The following GRID2 variants were observed in gnomAD, a reference collection of about 807,000 sequenced individuals.
The protein encoded by GRID2 is glutamate ionotropic receptor delta type subunit 2.
GRID2 carries 33 observed loss-of-function variants against 114.8 expected under a neutral mutation model. That is an observed-to-expected ratio of 0.29 (90% CI 0.22 to 0.38). The LOEUF (loss-of-function observed/expected upper bound fraction) is 0.38. GRID2 is among the 10% of genes least tolerant of loss of function. GRID2 has a pLI of 1.00. For missense variants in GRID2, 1,184 were observed against 1,257.7 expected (o/e 0.94, Z 0.89); for synonymous variants, 505 against 449.9 (o/e 1.12, Z -1.55).
At chr4:92,373,966 A>G (rs1311936271) in intron 1 of GRID2, among the ~76,000 whole-genome samples, 1 of 152,108 alleles carries the variant, frequency 6.6e-6, no homozygotes, top group Non-Finnish European at 1.5e-5. Flanking sequence ...CCTATTTTTC[A>G]TCACTGTAAT....
chr4:93,473,335 C>T (rs1367943398), intron 11 of GRID2, among the ~76,000 whole-genome samples: 1 of 152,098 alleles, frequency 6.6e-6, no homozygotes, highest in African/African-American at 2.4e-5. Context: ...ATACTTTCAG[C>T]TTAACATTGT....
chr4:93,778,755 G>A (rs1057205207), downstream of GRID2, among the ~76,000 whole-genome samples: 1 of 152,052 alleles, frequency 6.6e-6, no homozygotes, highest in African/African-American at 2.4e-5. Flanking sequence ...ACATGCTCAA[G>A]TACTTCTCTA....
At chr4:93,409,310 A>G (rs1766864122) in intron 9 of GRID2, among the ~76,000 whole-genome samples, 1 of 152,184 alleles carries the variant, frequency 6.6e-6, no homozygotes, top group Non-Finnish European at 1.5e-5. Context: ...AAGTGTGGCT[A>G]GGGCATCAAT....
At chr4:93,449,654 G>A (rs1722495141) in intron 10 of GRID2, among the ~76,000 whole-genome samples, 1 of 152,002 alleles carries the variant, frequency 6.6e-6, no homozygotes, top group Non-Finnish European at 1.5e-5. Flanking sequence ...AGTGTAGTAA[G>A]GAATATTTAT....
intron 4 of GRID2, among the ~76,000 whole-genome samples, chr4:93,160,321 T>G (rs1174743921): frequency 6.6e-6 from 1 of 151,772 alleles, no homozygotes; most frequent in East Asian, 1.9e-4. Flanking sequence ...AAAAATTATT[T>G]GAAAAACCAC....
In GRID2 at chr4:93,224,695, A is replaced by G. The variant is rs1745283505; in HGVS notation, c.1045A>G (p.Ser349Gly). 6.2e-7 allele frequency: 1 copy of G among 1,611,680 alleles called. No homozygotes were observed. Among genetic ancestry groups the G allele is most frequent in the Non-Finnish European group, 8.5e-7 (1 of 1,178,000 alleles). ...GAAGCTGGAGGACCGAAAGTGGCAC[A>G]GCATGGCAAGTCTGTCATGTATCAG... ...HKKLEDRKWH[S>G]MASLSCIRKN... Residue 349 changes from serine to glycine, a missense_variant, in exon 7 of 16, where the codon AGC (serine) becomes GGC (glycine). Physicochemically the swap from Ser to Gly is moderately conservative, Grantham distance 56 (BLOSUM62 0). Transcript: ENST00000282020.
At chr4:92,518,635 TG>T (rs1724621747) in intron 1 of GRID2, among the ~76,000 whole-genome samples, 1 of 151,714 alleles carries the variant, frequency 6.6e-6, no homozygotes, top group Non-Finnish European at 1.5e-5. Context: ...TTCACAACAA[TG>T]GGAATACACT....
At chr4:92,734,771 GTTTTTTTTTTCT>G (rs1319017957) in intron 2 of GRID2, among the ~76,000 whole-genome samples, 1 of 137,752 alleles carries the variant, frequency 7.3e-6, no homozygotes, top group Non-Finnish European at 1.6e-5. Flanking sequence ...CTTTTTTTTA[GTTTTTTTTTTCT>G]TTTTTTTTTT....
At chr4:92,693,886 T>C (rs528312784) in intron 2 of GRID2, among the ~76,000 whole-genome samples, 2 of 152,328 alleles carry the variant, frequency 1.3e-5, no homozygotes, top group African/African-American at 2.4e-5. Flanking sequence ...TTACACGTTA[T>C]AAGGACATTG....
At chr4:92,814,812 G>A (rs895083638) in intron 2 of GRID2, among the ~76,000 whole-genome samples, 1 of 152,112 alleles carries the variant, frequency 6.6e-6, no homozygotes, top group African/African-American at 2.4e-5. Flanking sequence ...GTGTCTGGGT[G>A]CTTCTAGCCA....
At chr4:92,867,507 C>T (rs940041627) in intron 2 of GRID2, among the ~76,000 whole-genome samples, 3 of 151,822 alleles carry the variant, frequency 2.0e-5, no homozygotes, top group African/African-American at 7.3e-5. Flanking sequence ...TTGAGTACTC[C>T]AGTCAGTCAA....
intron 13 of GRID2, among the ~76,000 whole-genome samples, chr4:93,551,810 A>AT (rs1733777047): frequency 6.6e-6 from 1 of 152,144 alleles, no homozygotes; most frequent in Non-Finnish European, 1.5e-5. Flanking sequence ...ATTCCATCAG[A>AT]TTTTTTGGAA....
chr4:93,197,587 G>T (rs986743427), intron 4 of GRID2, among the ~76,000 whole-genome samples: 2 of 152,070 alleles, frequency 1.3e-5, no homozygotes, highest in Non-Finnish European at 2.9e-5. Context: ...TGTCAAACAT[G>T]ACCATTTATG....
chr4:92,491,324 A>G (rs1041392231), intron 1 of GRID2, among the ~76,000 whole-genome samples: 2 of 152,226 alleles, frequency 1.3e-5, no homozygotes, highest in African/African-American at 4.8e-5. Flanking sequence ...TTCCAGTTCC[A>G]CAGTTTCTAA....
chr4:93,314,741 T>TCACA (rs10585703), intron 8 of GRID2, among the ~76,000 whole-genome samples: 36 of 150,954 alleles, frequency 2.4e-4, no homozygotes, highest in African/African-American at 7.3e-4. Context: ...CACGATGATT[T>TCACA]CACACACACA....
At chr4:93,088,643 A>G (rs1478942249) in intron 3 of GRID2, among the ~76,000 whole-genome samples, 1 of 152,136 alleles carries the variant, frequency 6.6e-6, no homozygotes, top group East Asian at 1.9e-4. Flanking sequence ...CTACCAATAG[A>G]CAGTGTGATC....
At chr4:92,710,906 A>G (rs193150992) in intron 2 of GRID2, among the ~76,000 whole-genome samples, 3 of 152,018 alleles carry the variant, frequency 2.0e-5, no homozygotes, top group South Asian at 2.1e-4. Flanking sequence ...TGATGAAAAA[A>G]CTAGCATTCA....
At chr4:92,850,567 G>A (rs181023817) in intron 2 of GRID2, among the ~76,000 whole-genome samples, 1 of 151,934 alleles carries the variant, frequency 6.6e-6, no homozygotes, top group Admixed American at 6.6e-5. Flanking sequence ...CCCAGATTGT[G>A]TACTATGGTA....
chr4:93,277,390 T>C (rs72872792), intron 8 of GRID2, among the ~76,000 whole-genome samples: 7,691 of 151,922 alleles, frequency 0.051, 651 homozygotes, highest in African/African-American at 0.18. Flanking sequence ...TTAAGCACCT[T>C]TCTAACTTAT....
Sources: gnomAD v4.1 joint callset for allele counts (sites outside exome capture counted in the v4.1 genomes callset) on GRCh38, gnomAD v4.1.1 for gene constraint, MANE v1.5 for transcripts, NCBI Gene and HGNC (gene_info 2026-07-23, HGNC 2026-07-21) for gene names.